TJP3: variants seen among roughly 807,000 people sequenced by gnomAD.
TJP3 encodes the protein tight junction protein ZO-3.
A neutral mutation model predicts 104.2 loss-of-function variants in TJP3; 85 were observed. That is an observed-to-expected ratio of 0.82 (90% CI 0.68 to 0.98). The LOEUF (loss-of-function observed/expected upper bound fraction) is 0.98. Among genes scored for constraint, TJP3 ranks in the 50% least tolerant of loss-of-function variants. The pLI, the probability that TJP3 is intolerant of heterozygous loss-of-function variation, is 0.00. For missense variants in TJP3, 1,367 were observed against 1,322.8 expected (o/e 1.03, Z -0.52); for synonymous variants, 550 against 550.6 (o/e 1.00, Z 0.02).
chr19:3,716,802 T>TATATATATATATA (rs1491300447), intron 1 of TJP3, among the ~76,000 whole-genome samples: 1 of 47,394 alleles, frequency 2.1e-5, no homozygotes, highest in African/African-American at 7.5e-5. Flanking sequence ...TATATATATA[T>TATATATATATATA]TTTTTTTTTT....
At chr19:3,740,527 C>T (rs371231874) in intron 13 of TJP3, 25 bp from the exon 14 acceptor site, 1 of 1,389,030 alleles carries the variant, frequency 7.2e-7, no homozygotes. Flanking sequence ...CCCCAGTGCT[C>T]AGTACTGTCC....
At chr19:3,715,287 C>T (rs1340510818) in intron 1 of TJP3, among the ~76,000 whole-genome samples, 2 of 152,258 alleles carry the variant, frequency 1.3e-5, no homozygotes, top group Non-Finnish European at 2.9e-5. Flanking sequence ...GATGGGGTTT[C>T]ACCGTGTTAT....
intron 1 of TJP3, among the ~76,000 whole-genome samples, chr19:3,714,775 A>G (rs903173695): frequency 2.0e-5 from 3 of 151,880 alleles, no homozygotes; most frequent in Non-Finnish European, 4.4e-5. Context: ...CAGTTTTCCC[A>G]CAAGCACTCA....
At chr19:3,737,321 G>T (rs559396814) in intron 11 of TJP3, among the ~76,000 whole-genome samples, 1 of 151,948 alleles carries the variant, frequency 6.6e-6, no homozygotes, top group Non-Finnish European at 1.5e-5. Flanking sequence ...TGTCTGGGTC[G>T]CAATCCTCTT....
In TJP3 at chr19:3,746,036, C is replaced by A; in HGVS notation, c.1965C>A (p.Pro655=). 6.2e-7 allele frequency: 1 copy of A among 1,609,636 alleles called. No individual in the cohort carries two copies. The highest frequency in any genetic ancestry group is 1.1e-5 in the South Asian group (1 of 90,024). ...AGACTGTGTCCAGGACCGACAGCCC[C>A]TCCAAGATCATCAAACTAGACACCG... ...IAETVSRTDS[P]SKIIKLDTVR... The change falls in exon 16 of 21, where the codon CCC becomes CCA. Residue 655 remains proline (P), a synonymous_variant. Coordinates refer to ENST00000541714, the MANE Select transcript of TJP3 (RefSeq NM_001267560.2). This position sits in a 1 kb window ranked among gnomAD's most constrained non-coding sequence, Gnocchi z 4.1.
intron 1 of TJP3, among the ~76,000 whole-genome samples, chr19:3,725,927 G>A (rs569017365): frequency 1.3e-5 from 2 of 152,350 alleles, no homozygotes; most frequent in East Asian, 1.9e-4. Context: ...AGTCCTGAGC[G>A]CTGCCCTGGC....
Position 3,736,240 on chromosome 19 carries a change from C to T in TJP3, c.1203C>T (p.Asp401=), listed in dbSNP as rs772029245. ...SIGLRLAGGN[D]VGIFVSGVQA... is the part of the protein sequence containing the mutation. The stretch of plus-strand genomic sequence containing the variant: ...GGCTGCGGCTGGCAGGGGGCAATGA[C>T]GTGGGCATCTTCGTGTCCGGGGTGC... Residue 401 remains aspartate (D), a synonymous_variant, in exon 11 of 21, where the codon GAC becomes GAT. Transcript: ENST00000541714. The T allele has an allele frequency of 5.1e-6, 8 of 1,579,622 alleles. No homozygotes were observed. Among genetic ancestry groups the T allele is most frequent in the Admixed American group, 1.8e-5 (1 of 54,806 alleles).
At chr19:3,720,795 A>C (rs1468737748) in intron 1 of TJP3, among the ~76,000 whole-genome samples, 3 of 150,358 alleles carry the variant, frequency 2.0e-5, no homozygotes, top group African/African-American at 7.4e-5. Context: ...GAAGGAAACG[A>C]CCTTTACTCC....
At chr19:3,716,778 T>TC (rs2036480478) in intron 1 of TJP3, among the ~76,000 whole-genome samples, 1 of 113,666 alleles carries the variant, frequency 8.8e-6, no homozygotes, top group Non-Finnish European at 1.8e-5. Context: ...ACCCAGCTCA[T>TC]ACATATATAT....
chr19:3,727,678 G>A (rs2036614569), intron 1 of TJP3, among the ~76,000 whole-genome samples: 1 of 151,124 alleles, frequency 6.6e-6, no homozygotes, highest in South Asian at 2.1e-4. Flanking sequence ...GGGTGGATCA[G>A]TTGAGGTCAG....
At chr19:3,750,312 C>A in intron 20 of TJP3, 128 bp downstream of exon 20, 1 of 1,306,644 alleles carries the variant, frequency 7.7e-7, no homozygotes, top group Non-Finnish European at 1.1e-6. Context: ...ACAGAGCCTG[C>A]CAGAGCCTCT....
chr19:3,745,518 AG>A (rs1478003947), intron 15 of TJP3, among the ~76,000 whole-genome samples: 18 of 152,132 alleles, frequency 1.2e-4, no homozygotes, highest in Admixed American at 1.2e-3. Context: ...CCTCCATGCC[AG>A]GCTATGTCTC....
chr19:3,741,260 CA>C (rs1444388290), intron 14 of TJP3, among the ~76,000 whole-genome samples: 1 of 151,982 alleles, frequency 6.6e-6, no homozygotes, highest in Non-Finnish European at 1.5e-5. Flanking sequence ...TTCAGCCTCC[CA>C]AAATGCTGAG....
At chr19:3,715,115 A>T in intron 1 of TJP3, among the ~76,000 whole-genome samples, 1 of 136,514 alleles carries the variant, frequency 7.3e-6, no homozygotes, top group South Asian at 2.2e-4. Flanking sequence ...TTTGAGATGG[A>T]GTCTCGCTCT....
chr19:3,712,769 C>T lies in TJP3; in HGVS notation c.-10+4208C>T, dbSNP rs571340856. 6.6e-5 allele frequency among the ~76,000 whole-genome samples: 10 copies of T among 151,788 alleles called. 1 individual carries two copies. The South Asian group carries it at 1.7e-3, about 25-fold the overall frequency. ...TTCAAGACAGGTCCGGGCAACATAG[C>T]GAGATACCGTCTCTACAAAATATAC... On this transcript the variant is annotated intron_variant, in intron 1 of 20. Transcript: ENST00000541714.
At chr19:3,745,276 G>T (rs1280730175) in intron 15 of TJP3, among the ~76,000 whole-genome samples, 1 of 151,076 alleles carries the variant, frequency 6.6e-6, no homozygotes. Context: ...CACCCTGGTA[G>T]CTGGGATTAC....
At chr19:3,740,015 C>CTT (rs2036791402) in intron 13 of TJP3, among the ~76,000 whole-genome samples, 1 of 152,046 alleles carries the variant, frequency 6.6e-6, no homozygotes, top group Non-Finnish European at 1.5e-5. Flanking sequence ...GGGCAGATCA[C>CTT]GAGGTCAAGA....
chr19:3,733,448 C>T (rs2036697992), intron 6 of TJP3, among the ~76,000 whole-genome samples: 1 of 152,228 alleles, frequency 6.6e-6, no homozygotes, highest in Non-Finnish European at 1.5e-5. Flanking sequence ...ACCCTCACAT[C>T]TGTTCCTAGT....
chr19:3,732,695 A>G (rs933357299), intron 6 of TJP3, among the ~76,000 whole-genome samples: 6 of 152,060 alleles, frequency 3.9e-5, no homozygotes, highest in Admixed American at 3.9e-4. Flanking sequence ...TTTTTAGAAA[A>G]GACGGGTTTC....
Sources: allele counts gnomAD v4.1 joint callset (sites outside exome capture counted in the v4.1 genomes callset), GRCh38; gene constraint gnomAD v4.1.1; non-coding constraint Gnocchi (gnomAD v3.1); transcripts MANE v1.5; gene names NCBI Gene and HGNC (gene_info 2026-07-23, HGNC 2026-07-21).